MBD5: variants seen among roughly 807,000 people sequenced by gnomAD.
MBD5 encodes methyl-CpG-binding domain protein 5.
A neutral mutation model predicts 117.3 loss-of-function variants in MBD5; 13 were observed. The observed-to-expected ratio is 0.11, with a 90% CI of 0.07 to 0.18. The LOEUF is 0.18. MBD5 is among the 10% of genes least tolerant of loss of function. The pLI, the probability that MBD5 is intolerant of heterozygous loss-of-function variation, is 1.00. For synonymous variants in MBD5, 727 were observed against 766.4 expected (o/e 0.95, Z 0.85); for missense variants, 1,879 against 2,093.8 (o/e 0.90, Z 2.00).
intron 5 of MBD5, among the ~76,000 whole-genome samples, chr2:148,459,749 TA>T (rs767225589): frequency 2.0e-4 from 30 of 152,196 alleles, no homozygotes; most frequent in Non-Finnish European, 3.8e-4. Context: ...AGAAATGAGA[TA>T]TTTTTGGTTA....
intron 1 of MBD5, among the ~76,000 whole-genome samples, chr2:148,119,340 G>A (rs1051495781): frequency 3.3e-5 from 5 of 151,984 alleles, no homozygotes; most frequent in African/African-American, 1.2e-4. Flanking sequence ...TAAATCCTTT[G>A]TGCAATTTTT....
intron 4 of MBD5, among the ~76,000 whole-genome samples, chr2:148,448,091 T>C (rs1706622162): frequency 6.6e-6 from 1 of 152,148 alleles, no homozygotes; most frequent in African/African-American, 2.4e-5. Flanking sequence ...GTCAGTCAAG[T>C]ACTGAATGGA....
Position 148,469,349 on chromosome 2 carries a change from A to G in MBD5, c.1406A>G (p.His469Arg), listed in dbSNP as rs766571687. 10 of 1,613,696 alleles carry G rather than the reference A, an allele frequency of 6.2e-6. No individual in the cohort carries two copies. The highest frequency in any genetic ancestry group is 8.5e-6 in the Non-Finnish European group (10 of 1,179,912). The change falls in exon 8 of 14, where the codon CAT becomes CGT. Residue 469 changes from histidine to arginine, a missense_variant. Transcript: ENST00000642680. Reference sequence around the variant, plus strand: ...CGCTCATCTTCCACATCATCAGATCATGGAAATTTCATGATGCCACCTGTA... The same window carrying G: ...CGCTCATCTTCCACATCATCAGATCGTGGAAATTTCATGATGCCACCTGTA... ...RSRSSSTSSD[H>R]GNFMMPPVGP...
chr2:148,457,384 C>A (rs1706917735), intron 4 of MBD5, among the ~76,000 whole-genome samples: 1 of 152,076 alleles, frequency 6.6e-6, no homozygotes, highest in Non-Finnish European at 1.5e-5. Flanking sequence ...GGCTTCTTTA[C>A]AAAAACAAAT....
chr2:148,080,095 T>C (rs990986482), intron 1 of MBD5, among the ~76,000 whole-genome samples: 5 of 152,110 alleles, frequency 3.3e-5, no homozygotes, highest in Non-Finnish European at 7.4e-5. Context: ...AGAAAACCCT[T>C]GGTCTTATTG....
intron 1 of MBD5, among the ~76,000 whole-genome samples, chr2:148,109,535 T>C (rs1390703184): frequency 6.6e-6 from 1 of 152,162 alleles, no homozygotes; most frequent in Non-Finnish European, 1.5e-5. Flanking sequence ...TGATAATTTG[T>C]CTACTAGAAA....
At chr2:148,078,309 G>GT (rs1457689750) in intron 1 of MBD5, among the ~76,000 whole-genome samples, 1 of 152,064 alleles carries the variant, frequency 6.6e-6, no homozygotes, top group Non-Finnish European at 1.5e-5. Flanking sequence ...TGTGACTCCA[G>GT]TAACTCTAAC....
At chr2:148,045,348 A>T (rs1694488089) in intron 1 of MBD5, among the ~76,000 whole-genome samples, 1 of 152,198 alleles carries the variant, frequency 6.6e-6, no homozygotes, top group Non-Finnish European at 1.5e-5. Context: ...ACTAACCATT[A>T]TGCATTGCTA....
intron 1 of MBD5, among the ~76,000 whole-genome samples, chr2:148,060,132 CAAAAAAAAAAAAA>C (rs35925701): frequency 5.7e-4 from 8 of 14,044 alleles, no homozygotes; most frequent in Admixed American, 1.5e-3. Context: ...ACAAAAAGTG[CAAAAAAAAAAAAA>C]AAAAAAAAAA....
At chr2:148,076,928 C>A (rs568450377) in intron 1 of MBD5, among the ~76,000 whole-genome samples, 2 of 152,344 alleles carry the variant, frequency 1.3e-5, no homozygotes, top group East Asian at 3.9e-4. Flanking sequence ...CAGGCCACAT[C>A]TGCCCTGCAG....
intron 3 of MBD5, among the ~76,000 whole-genome samples, chr2:148,291,281 T>A (rs1701495434): frequency 6.6e-6 from 1 of 152,196 alleles, no homozygotes; most frequent in South Asian, 2.1e-4. Context: ...AATCAGTAGA[T>A]CAATTTGGAG....
At chr2:148,274,251 C>A (rs1701049513) in intron 3 of MBD5, among the ~76,000 whole-genome samples, 1 of 152,002 alleles carries the variant, frequency 6.6e-6, no homozygotes. Context: ...AAATTATACT[C>A]TAAGTTCTGG....
chr2:148,194,828 C>T lies in MBD5; in HGVS notation c.-831+16035C>T, dbSNP rs1454807717. Among the ~76,000 whole-genome samples the T allele has an allele frequency of 2.7e-5, 4 of 148,400 alleles. No individual in the cohort carries two copies. In the East Asian group the frequency reaches 8.1e-4, roughly 30 times the overall value. ...GATGGAATAAGTAGAAAACAAATAG[C>T]AAGGTGCTAAACTTAGAACCAACTA... On this transcript the variant is annotated intron_variant, in intron 2 of 13. Coordinates refer to ENST00000642680, the MANE Select transcript of MBD5 (RefSeq NM_001378120.1).
intron 1 of MBD5, among the ~76,000 whole-genome samples, chr2:148,051,432 C>T (rs1431121679): frequency 1.3e-5 from 2 of 148,584 alleles, no homozygotes; most frequent in African/African-American, 4.9e-5. Context: ...CGCCCAGTTT[C>T]CCTGGCTGGA....
chr2:148,108,541 GAAA>G (rs565338299), intron 1 of MBD5, among the ~76,000 whole-genome samples: 1 of 116,368 alleles, frequency 8.6e-6, no homozygotes. Flanking sequence ...AAGAAAAAAA[GAAA>G]AAAAAAAAAA....
chr2:148,149,854 G>C (rs1163926883), intron 1 of MBD5, among the ~76,000 whole-genome samples: 1 of 149,738 alleles, frequency 6.7e-6, no homozygotes, highest in Non-Finnish European at 1.5e-5. Context: ...TTTGTCAGAT[G>C]AGTAGGTTGC....
intron 3 of MBD5, among the ~76,000 whole-genome samples, chr2:148,323,210 G>A (rs887207554): frequency 2.0e-5 from 3 of 152,054 alleles, no homozygotes; most frequent in Non-Finnish European, 4.4e-5. Context: ...ATTCCATGGT[G>A]TATATGTGCC....
At chr2:148,496,537 A>T (rs1269294853) in intron 11 of MBD5, among the ~76,000 whole-genome samples, 1 of 152,218 alleles carries the variant, frequency 6.6e-6, no homozygotes, top group Non-Finnish European at 1.5e-5. Flanking sequence ...ATAATTTCAG[A>T]TAGGAAGCAG....
chr2:148,232,974 A>G (rs1272697148), intron 2 of MBD5, among the ~76,000 whole-genome samples: 1 of 152,082 alleles, frequency 6.6e-6, no homozygotes, highest in East Asian at 1.9e-4. Context: ...CTCATCTCCG[A>G]TCTGCCACTG....
Sources: gnomAD v4.1 joint callset for allele counts (sites outside exome capture counted in the v4.1 genomes callset) on GRCh38, gnomAD v4.1.1 for gene constraint, MANE v1.5 for transcripts, NCBI Gene and HGNC (gene_info 2026-07-23, HGNC 2026-07-21) for gene names.